CLTCL1: variants seen among roughly 807,000 people sequenced by gnomAD.
CLTCL1 encodes clathrin heavy chain like 1.
A neutral mutation model predicts 190.0 loss-of-function variants in CLTCL1; 159 were observed. The observed-to-expected ratio is 0.84, with a 90% CI of 0.74 to 0.95. The LOEUF is 0.95. CLTCL1 is among the 40% of genes least tolerant of loss of function. CLTCL1 has a pLI of 0.00. For synonymous variants in CLTCL1, 752 were observed against 769.6 expected (o/e 0.98, Z 0.38); for missense variants, 1,878 against 2,033.4 (o/e 0.92, Z 1.47).
intron 6 of CLTCL1, 84 bp from the exon 7 acceptor site, chr22:19,234,790 G>C: frequency 8.3e-7 from 1 of 1,203,302 alleles, no homozygotes; most frequent in Non-Finnish European, 1.2e-6. Flanking sequence ...CGATGCTGGA[G>C]TGGTAGCCAC....
In CLTCL1 at chr22:19,180,720, G is replaced by C. The variant is rs1555925421; in HGVS notation, c.4903+11C>G. The stretch of plus-strand genomic sequence containing the variant: ...CTCCCCAGGGGGTTGGGGGCTACAG[G>C]TGCCACCTACCAAACACGAGAGGGG... On this transcript the variant is annotated intron_variant, in intron 31 of 32. Coordinates refer to ENST00000427926, the MANE Select transcript of CLTCL1 (RefSeq NM_007098.4). 1 of 1,613,490 alleles carries C rather than the reference G, an allele frequency of 6.2e-7. No homozygotes were observed. The highest frequency in any genetic ancestry group is 8.5e-7 in the Non-Finnish European group (1 of 1,179,628).
intron 6 of CLTCL1, among the ~76,000 whole-genome samples, chr22:19,235,153 A>C (rs1418941881): frequency 6.6e-6 from 1 of 150,656 alleles, no homozygotes; most frequent in East Asian, 1.9e-4. Flanking sequence ...TATAGGAATC[A>C]GCCACTGTTC....
chr22:19,251,923 T>C (rs574927593), intron 3 of CLTCL1, among the ~76,000 whole-genome samples: 1 of 152,346 alleles, frequency 6.6e-6, no homozygotes, highest in African/African-American at 2.4e-5. Flanking sequence ...GTATTTGTTG[T>C]AGATGCCCTT....
At chr22:19,207,518 T>C (rs1017263395) in intron 22 of CLTCL1, 16 of 401,748 alleles carry the variant, frequency 4.0e-5, no homozygotes, top group Non-Finnish European at 6.6e-5. Context: ...GGTTACTTAC[T>C]TCCTCGTGTG....
At chr22:19,184,242 T>C in intron 29 of CLTCL1, 8 of 329,148 alleles carry the variant, frequency 2.4e-5, no homozygotes, top group South Asian at 1.9e-4. Flanking sequence ...AGTACCCCAT[T>C]CAGAGACCAG....
At chr22:19,209,169 A>C in intron 20 of CLTCL1, 55 bp from the exon 21 acceptor site, 2 of 1,471,132 alleles carry the variant, frequency 1.4e-6, no homozygotes, top group Non-Finnish European at 1.8e-6. Flanking sequence ...GCTCCAAAAA[A>C]CAGACACATT....
chr22:19,276,496 T>C (rs906877137), intron 1 of CLTCL1, among the ~76,000 whole-genome samples: 2 of 152,114 alleles, frequency 1.3e-5, no homozygotes, highest in Non-Finnish European at 2.9e-5. Flanking sequence ...GGCCATCTTA[T>C]ACGCAGTGCC....
In CLTCL1 at chr22:19,188,059, C is replaced by G. The variant is rs782541229; in HGVS notation, c.4356G>C (p.Leu1452=). 6 of 1,613,902 alleles carry G rather than the reference C, an allele frequency of 3.7e-6. No homozygotes were observed. Among genetic ancestry groups the G allele is most frequent in the Non-Finnish European group, 5.1e-6 (6 of 1,179,904 alleles). Reference sequence around the variant, plus strand: ...TGTTGTTGTGGCTCTGGACTGACCGCAGGTAAGGCTTCACCAGGGGCAGCT... The same window carrying G: ...TGTTGTTGTGGCTCTGGACTGACCGGAGGTAAGGCTTCACCAGGGGCAGCT... ...AGQLPLVKPY[L]RSVQSHNNKS... Residue 1452 remains leucine (L), a synonymous_variant, in exon 28 of 33, where the codon CTG becomes CTC. Transcript: ENST00000427926.
chr22:19,271,593 T>C (rs1197953301), intron 2 of CLTCL1, among the ~76,000 whole-genome samples: 1 of 152,214 alleles, frequency 6.6e-6, no homozygotes, highest in East Asian at 1.9e-4. Context: ...ATATAGCCTA[T>C]GGAACTGTGA....
At position 19,210,558 on chromosome 22, in the gene CLTCL1, C is replaced by A. The variant is rs782560302; in HGVS notation, c.3066-49G>T. On this transcript the variant is annotated intron_variant, in intron 19 of 32. Coordinates refer to ENST00000427926, the MANE Select transcript of CLTCL1 (RefSeq NM_007098.4). ...CGGCATCCCAGGAACGAAGGCTGCA[C>A]AAACCATTTTTTGGCAGGTCAGGCA... 5.8e-6 allele frequency: 9 copies of A among 1,562,862 alleles called. No individual in the cohort carries two copies. In the Admixed American group the frequency reaches 1.4e-4, roughly 25 times the overall value.
Position 19,229,984 on chromosome 22 carries a change from T to C in CLTCL1, c.1645-9A>G, listed in dbSNP as rs951494689. 24 of 1,593,126 alleles carry C rather than the reference T, an allele frequency of 1.5e-5. No homozygotes were observed. The highest frequency in any genetic ancestry group is 2.0e-5 in the Non-Finnish European group (23 of 1,170,792). On this transcript the variant is annotated splice_polypyrimidine_tract_variant and intron_variant, in intron 10 of 32. Transcript: ENST00000427926. ...ATGAAAATGTCCACAATCTGAAACATATCCAAGCCACATTTTCACTCAGTA... is the reference window on the plus strand; with the variant it reads ...ATGAAAATGTCCACAATCTGAAACACATCCAAGCCACATTTTCACTCAGTA...
intron 1 of CLTCL1, among the ~76,000 whole-genome samples, chr22:19,276,770 C>T (rs1442340062): frequency 1.3e-5 from 2 of 152,082 alleles, no homozygotes; most frequent in Non-Finnish European, 2.9e-5. Flanking sequence ...CCCGGGTTCA[C>T]GCCATTCTCC....
At position 19,254,182 on chromosome 22, in the gene CLTCL1, A is replaced by T; in HGVS notation, c.296T>A (p.Met99Lys). ...QIFNIEMKSKMKAHTMAEEVI... is the reference protein window; with the variant it reads ...QIFNIEMKSKKKAHTMAEEVI... ...TTCTTCTGCCATAGTATGAGCCTTCATTTTACTCTTCATCTCAATATTAAA... is the reference window on the plus strand; with the variant it reads ...TTCTTCTGCCATAGTATGAGCCTTCTTTTTACTCTTCATCTCAATATTAAA... Residue 99 changes from methionine (M) to lysine (K), a missense_variant, in exon 3 of 33, where the codon ATG (methionine) becomes AAG (lysine). By Grantham distance (95) the Met-to-Lys change is moderately conservative (BLOSUM62 -1). Coordinates refer to ENST00000427926, the MANE Select transcript of CLTCL1 (RefSeq NM_007098.4). The T allele has an allele frequency of 6.2e-7, 1 of 1,613,784 alleles. No homozygotes were observed. Among genetic ancestry groups the T allele is most frequent in the Non-Finnish European group, 8.5e-7 (1 of 1,179,704 alleles).
chr22:19,192,667 AC>A (rs1270986783), intron 26 of CLTCL1, among the ~76,000 whole-genome samples: 2 of 152,216 alleles, frequency 1.3e-5, no homozygotes, highest in East Asian at 3.9e-4. Flanking sequence ...ACTATGGCTT[AC>A]TGGCCACTTC....
At chr22:19,255,902 T>C (rs1245937073) in intron 2 of CLTCL1, among the ~76,000 whole-genome samples, 67 of 141,062 alleles carry the variant, frequency 4.7e-4, no homozygotes, top group African/African-American at 1.8e-3. Context: ...AGAGTAAGAC[T>C]CTGTCTCAAA....
At chr22:19,256,114 T>A (rs1555972304) in intron 2 of CLTCL1, among the ~76,000 whole-genome samples, 1 of 152,000 alleles carries the variant, frequency 6.6e-6, no homozygotes, top group Admixed American at 6.6e-5. Flanking sequence ...ACGTACAGGT[T>A]CAATGCAATC....
chr22:19,243,230 AG>A (rs1213795879), intron 3 of CLTCL1, among the ~76,000 whole-genome samples: 4 of 152,206 alleles, frequency 2.6e-5, no homozygotes, highest in African/African-American at 9.6e-5. Flanking sequence ...TGCACTTTGG[AG>A]GAAAAACTCT....
At chr22:19,230,571 C>T (rs1002520208) in intron 10 of CLTCL1, among the ~76,000 whole-genome samples, 3 of 152,118 alleles carry the variant, frequency 2.0e-5, no homozygotes, top group Admixed American at 2.0e-4. Context: ...CAACACAATT[C>T]ACGTAATTTA....
Position 19,198,433 on chromosome 22 carries a change from TC to T in CLTCL1, c.3873+1300del, listed in dbSNP as rs1280629440. 6.6e-6 allele frequency among the ~76,000 whole-genome samples: 1 copy of T among 152,088 alleles called. No homozygotes were observed. Among genetic ancestry groups the T allele is most frequent in the African/African-American group, 2.4e-5 (1 of 41,406 alleles). ...TTTACCCCCGACAGCCCTGCACCCA[TC>T]CCAAGTACAGCCCGTGACCTTCCTA... On this transcript the variant is annotated intron_variant, in intron 24 of 32. Coordinates refer to ENST00000427926, the MANE Select transcript of CLTCL1 (RefSeq NM_007098.4). The surrounding 1 kb of genome is among the most constrained non-coding windows in gnomAD (Gnocchi z 4.1).
Sources: allele counts gnomAD v4.1 joint callset (sites outside exome capture counted in the v4.1 genomes callset), GRCh38; gene constraint gnomAD v4.1.1; non-coding constraint Gnocchi (gnomAD v3.1); transcripts MANE v1.5; gene names NCBI Gene and HGNC (gene_info 2026-07-23, HGNC 2026-07-21).